EXOC6B: variants seen among roughly 807,000 people sequenced by gnomAD.
The protein encoded by EXOC6B is exocyst complex component 6B, also known as SEC15 homolog B.
Under a neutral mutation model 113.5 loss-of-function variants are expected in EXOC6B, and 54 were observed. The observed-to-expected ratio is 0.48, with a 90% CI of 0.38 to 0.60. The LOEUF (loss-of-function observed/expected upper bound fraction) is 0.60. EXOC6B is among the 20% of genes least tolerant of loss of function. The pLI is 0.00. For synonymous variants in EXOC6B, 357 were observed against 339.0 expected, an observed-to-expected ratio of 1.05 and a Z score of -0.58; for missense variants, 797 against 977.5, an observed-to-expected ratio of 0.82 and a Z score of 2.46.
At position 72,498,801 on chromosome 2, in the gene EXOC6B, T is replaced by C. The variant is rs978729739; in HGVS notation, c.1240-250A>G. On this transcript the variant is annotated intron_variant, in intron 12 of 21. Transcript: ENST00000272427. ...AAAAAGATGAAAATTAAAATCTATA[T>C]ATAAAGGGTATACTATGGGATAAGT... Among the ~76,000 whole-genome samples the C allele has an allele frequency of 7.2e-5, 11 of 152,156 alleles. No homozygotes were observed. In the South Asian group the frequency reaches 1.9e-3, roughly 26 times the overall value.
At chr2:72,645,649 G>A (rs947453467) in intron 6 of EXOC6B, among the ~76,000 whole-genome samples, 3 of 152,060 alleles carry the variant, frequency 2.0e-5, no homozygotes, top group Non-Finnish European at 4.4e-5. Context: ...ACTCAAAACC[G>A]CACAACTACA....
intron 11 of EXOC6B, among the ~76,000 whole-genome samples, chr2:72,502,285 C>T (rs1290356659): frequency 2.0e-5 from 3 of 152,092 alleles, no homozygotes; most frequent in Non-Finnish European, 1.5e-5. Flanking sequence ...TGGTGGCTCA[C>T]GCCTGTAATC....
intron 6 of EXOC6B, among the ~76,000 whole-genome samples, chr2:72,579,564 C>T (rs1480862963): frequency 1.3e-5 from 2 of 152,208 alleles, no homozygotes; most frequent in East Asian, 3.8e-4. Flanking sequence ...AGCCCACAAG[C>T]ATGACCTAAC....
chr2:72,431,882 G>A (rs1379029209), intron 18 of EXOC6B, among the ~76,000 whole-genome samples: 9 of 152,006 alleles, frequency 5.9e-5, no homozygotes, highest in Admixed American at 5.9e-4. Flanking sequence ...CCACTTATGA[G>A]TGAGAATATA....
intron 19 of EXOC6B, among the ~76,000 whole-genome samples, chr2:72,363,186 T>C (rs1195818114): frequency 6.6e-6 from 1 of 152,206 alleles, no homozygotes; most frequent in East Asian, 1.9e-4. Context: ...GAGGTCATTA[T>C]CAATTTTTAA....
chr2:72,198,001 G>T (rs1679274832), intron 20 of EXOC6B, among the ~76,000 whole-genome samples: 1 of 152,126 alleles, frequency 6.6e-6, no homozygotes. Context: ...GAGAATGTTG[G>T]ATATTGCCCC....
intron 8 of EXOC6B, 70 bp downstream of exon 8, chr2:72,559,383 C>A: frequency 8.9e-7 from 1 of 1,123,468 alleles, no homozygotes; most frequent in Non-Finnish European, 1.2e-6. Context: ...GAAAAACTAC[C>A]AAAAGTTGAG....
rs1480596392 is a variant in EXOC6B, at chr2:72,401,545, GTGTA to G, written c.1981-21679_1981-21676del. On this transcript the variant is annotated intron_variant, in intron 18 of 21. Coordinates refer to ENST00000272427, the MANE Select transcript of EXOC6B (RefSeq NM_015189.3). ...TATACATATATATATATATATATAT[GTGTA>G]TATATATATATATATACATATATAT... Among the ~76,000 whole-genome samples the G allele has an allele frequency of 1.6e-3, 17 of 10,534 alleles. 1 individual carries two copies. The highest frequency in any genetic ancestry group is 3.1e-3 in the Admixed American group (2 of 648). The allele number at this position is 10,534 out of a possible 152,430, so 6.9% of individuals were successfully genotyped here.
chr2:72,631,011 TA>T (rs1672356140), intron 6 of EXOC6B, among the ~76,000 whole-genome samples: 2 of 152,098 alleles, frequency 1.3e-5, no homozygotes, highest in African/African-American at 4.8e-5. Context: ...GCAAACTACA[TA>T]ACAGTGCATT....
chr2:72,513,360 T>A, intron 10 of EXOC6B, 108 bp from the exon 11 acceptor site: 2 of 1,393,568 alleles, frequency 1.4e-6, no homozygotes, highest in Non-Finnish European at 1.9e-6. Flanking sequence ...AAGTTAGTGG[T>A]CATTTTTTTC....
At chr2:72,466,511 A>G (rs571254398) in intron 17 of EXOC6B, among the ~76,000 whole-genome samples, 2 of 152,216 alleles carry the variant, frequency 1.3e-5, no homozygotes, top group East Asian at 1.9e-4. Flanking sequence ...TCTGTAAATT[A>G]TATCTCCCAA....
chr2:72,378,923 T>C (rs1446593603), intron 19 of EXOC6B, among the ~76,000 whole-genome samples: 1 of 152,214 alleles, frequency 6.6e-6, no homozygotes, highest in Non-Finnish European at 1.5e-5. Flanking sequence ...GATGCTCCTA[T>C]TTTACTTTGT....
intron 18 of EXOC6B, among the ~76,000 whole-genome samples, chr2:72,426,168 A>G (rs1169595210): frequency 6.6e-6 from 1 of 152,170 alleles, no homozygotes; most frequent in African/African-American, 2.4e-5. Context: ...CATCTGCTAC[A>G]TTATTCACTC....
intron 6 of EXOC6B, among the ~76,000 whole-genome samples, chr2:72,599,419 C>T (rs186077910): frequency 2.6e-4 from 40 of 152,108 alleles, no homozygotes; most frequent in Admixed American, 2.6e-3. Context: ...TGAAGAACAT[C>T]CATAAAAAAC....
chr2:72,383,286 C>G (rs1349732564), intron 18 of EXOC6B, among the ~76,000 whole-genome samples: 2 of 151,974 alleles, frequency 1.3e-5, no homozygotes, highest in African/African-American at 4.8e-5. Flanking sequence ...GGAACTTAAA[C>G]AAATTTACAA....
At chr2:72,670,397 T>C (rs753423935) in intron 6 of EXOC6B, among the ~76,000 whole-genome samples, 45 of 152,338 alleles carry the variant, frequency 3.0e-4, no homozygotes, top group Non-Finnish European at 5.7e-4. Context: ...AAAAAGGCAG[T>C]ATTAGGTTTG....
intron 18 of EXOC6B, among the ~76,000 whole-genome samples, chr2:72,445,710 G>C (rs1256749683): frequency 6.6e-6 from 1 of 152,114 alleles, no homozygotes; most frequent in Non-Finnish European, 1.5e-5. Flanking sequence ...GCATGGGAAA[G>C]ACCTGTCCCC....
intron 1 of EXOC6B, among the ~76,000 whole-genome samples, chr2:72,745,805 A>C (rs1681658815): frequency 6.6e-6 from 1 of 152,180 alleles, no homozygotes. Context: ...CAACATATCC[A>C]TCAGATATAA....
chr2:72,620,705 C>T (rs934143637), intron 6 of EXOC6B, among the ~76,000 whole-genome samples: 10 of 151,774 alleles, frequency 6.6e-5, no homozygotes, highest in African/African-American at 2.2e-4. Flanking sequence ...AAACTATCAA[C>T]AAAATAAACA....
Sources: allele counts gnomAD v4.1 joint callset (sites outside exome capture counted in the v4.1 genomes callset), GRCh38; gene constraint gnomAD v4.1.1; transcripts MANE v1.5; gene names NCBI Gene and HGNC (gene_info 2026-07-23, HGNC 2026-07-21).